COL27A1: variants seen among roughly 807,000 people sequenced by gnomAD.
COL27A1 encodes the protein collagen type XXVII alpha 1 chain.
A neutral mutation model predicts 251.3 loss-of-function variants in COL27A1; 106 were observed. The observed-to-expected ratio is 0.42, with a 90% confidence interval of 0.36 to 0.50. The LOEUF is 0.50. COL27A1 is among the 20% of genes least tolerant of loss of function. The pLI is 0.00. For missense variants in COL27A1, 2,325 were observed against 2,522.8 expected (o/e 0.92, Z 1.68); for synonymous variants, 1,000 against 986.3 (o/e 1.01, Z -0.26).
At chr9:114,267,289 C>G (rs1834813871) in intron 33 of COL27A1, among the ~76,000 whole-genome samples, 1 of 152,158 alleles carries the variant, frequency 6.6e-6, no homozygotes, top group African/African-American at 2.4e-5. Flanking sequence ...CTAGAAGCCT[C>G]TGGGTAGTCC....
chr9:114,258,142 A>G (rs1414152169), intron 27 of COL27A1, among the ~76,000 whole-genome samples: 1 of 152,128 alleles, frequency 6.6e-6, no homozygotes, highest in East Asian at 1.9e-4. Context: ...GCTGCACTGC[A>G]CTCCAGCCCA....
intron 34 of COL27A1, chr9:114,268,756 T>C (rs2636861): frequency 0.83 from 126,276 of 152,846 alleles, 52,839 homozygotes; most frequent in African/African-American, 0.96. Flanking sequence ...GGCAACGTAG[T>C]GAGACCCCAT....
rs148869418 is a variant in COL27A1 at position 114,277,021 on chromosome 9, C to G, written c.3717+1253C>G. On this transcript the variant is annotated intron_variant, in intron 37 of 60. Coordinates refer to ENST00000356083, the MANE Select transcript of COL27A1 (RefSeq NM_032888.4). The stretch of plus-strand genomic sequence containing the variant: ...GGAATTTGAACTTAGGCCTGCATGA[C>G]TCTACGCATACTGCCCCTGTGCTCT... Among the ~76,000 whole-genome samples, 37 of 152,348 alleles carry G rather than the reference C, an allele frequency of 2.4e-4. No homozygotes were observed. The East Asian group carries it at 6.6e-3, about 27-fold the overall frequency.
intron 49 of COL27A1, among the ~76,000 whole-genome samples, chr9:114,296,414 A>G (rs1342156800): frequency 2.0e-5 from 3 of 152,228 alleles, no homozygotes; most frequent in South Asian, 2.1e-4. Context: ...AGACACTTCA[A>G]AGAAAGTATA....
In COL27A1 at chr9:114,285,357, G is replaced by A. The variant is rs570301925; in HGVS notation, c.3987+580G>A. 5.9e-5 allele frequency among the ~76,000 whole-genome samples: 9 copies of A among 152,288 alleles called. No homozygotes were observed. In the South Asian group the frequency reaches 1.9e-3, roughly 32 times the overall value. On this transcript the variant is annotated intron_variant, in intron 41 of 60. Transcript: ENST00000356083. The stretch of plus-strand genomic sequence containing the variant: ...GACCCTGCCCCCCCATGCCAGTGGG[G>A]ATGTGGAGGGCCAGGAGTGCCAGAA...
At chr9:114,266,689 C>T (rs1011303150) in intron 33 of COL27A1, 71 bp downstream of exon 33, 166 of 1,380,470 alleles carry the variant, frequency 1.2e-4, no homozygotes, top group Non-Finnish European at 1.7e-4. Context: ...TTCCCTCCTC[C>T]CCAGGAGCCT....
At chr9:114,292,907 T>C (rs1315039160) in intron 49 of COL27A1, among the ~76,000 whole-genome samples, 2 of 152,196 alleles carry the variant, frequency 1.3e-5, no homozygotes, top group Admixed American at 6.5e-5. Context: ...ATAAGAATCA[T>C]AAATGTTTAT....
chr9:114,176,541 G>T (rs868860712), intron 3 of COL27A1, among the ~76,000 whole-genome samples: 182 of 131,486 alleles, frequency 1.4e-3, no homozygotes, highest in Admixed American at 2.5e-3. Flanking sequence ...GTAGGTGGGT[G>T]GGGGGGGGTG....
chr9:114,302,726 C>CAAAAAAAAAAAAAA (rs60188308), intron 56 of COL27A1, among the ~76,000 whole-genome samples: 1 of 139,200 alleles, frequency 7.2e-6, no homozygotes. Context: ...ACAAAAAAAA[C>CAAAAAAAAAAAAAA]AAAAAAAAAA....
chr9:114,169,082 T>C lies in COL27A1; in HGVS notation c.1527T>C (p.Pro509=), dbSNP rs888292529. The change falls in exon 3 of 61, where the codon CCT becomes CCC. Residue 509 remains proline (P), a synonymous_variant. Transcript: ENST00000356083. ...CTCGGCCACCAGCCACGATGGTACC[T>C]CCAACTTCGGGCACCAGCACTCCCA... ...RSTRPPATMV[P]PTSGTSTPRT... The C allele has an allele frequency of 6.2e-7, 1 of 1,613,898 alleles. No homozygotes were observed.
intron 9 of COL27A1, 99 bp from the exon 10 acceptor site, chr9:114,206,153 G>GA (rs1235968736): frequency 8.5e-7 from 1 of 1,173,556 alleles, no homozygotes; most frequent in Non-Finnish European, 1.3e-6. Flanking sequence ...ATTCTACAAA[G>GA]AGAGCAGCAG....
chr9:114,283,906 G>A lies in COL27A1; in HGVS notation c.3933+144G>A. On this transcript the variant is annotated intron_variant, in intron 40 of 60. Coordinates refer to ENST00000356083, the MANE Select transcript of COL27A1 (RefSeq NM_032888.4). ...AGATGTGGGGTCTCACCTGCCCCAG[G>A]GAGCGCTGGGCCCAGAGCCGTGGTT... The A allele has an allele frequency of 3.6e-6, 3 of 827,030 alleles. No homozygotes were observed. In the South Asian group the frequency reaches 5.1e-5, roughly 14 times the overall value. 51.2% of individuals were successfully genotyped at this position (827,030 alleles called of 1,614,324 possible).
chr9:114,267,121 G>A (rs1834803860), intron 33 of COL27A1, among the ~76,000 whole-genome samples: 2 of 152,226 alleles, frequency 1.3e-5, no homozygotes, highest in Admixed American at 1.3e-4. Flanking sequence ...GCCTCACGCT[G>A]GCTAAGCTGT....
At chr9:114,174,383 C>G (rs746312590) in intron 3 of COL27A1, among the ~76,000 whole-genome samples, 41 of 152,140 alleles carry the variant, frequency 2.7e-4, no homozygotes, top group Non-Finnish European at 5.7e-4. Context: ...GTTCCCAGAA[C>G]CCAATAAGAG....
intron 48 of COL27A1, among the ~76,000 whole-genome samples, chr9:114,291,377 G>A (rs1827905535): frequency 6.6e-6 from 1 of 152,164 alleles, no homozygotes; most frequent in African/African-American, 2.4e-5. Flanking sequence ...GTTTAATTGG[G>A]GGAAAGATTG....
intron 11 of COL27A1, among the ~76,000 whole-genome samples, chr9:114,210,215 C>T (rs1457066358): frequency 1.3e-5 from 2 of 152,238 alleles, no homozygotes; most frequent in African/African-American, 4.8e-5. Flanking sequence ...TGAACTCAGC[C>T]TTGCTCATTT....
intron 3 of COL27A1, among the ~76,000 whole-genome samples, chr9:114,174,297 G>A (rs1018947993): frequency 1.9e-4 from 28 of 148,016 alleles, no homozygotes; most frequent in African/African-American, 6.8e-4. Flanking sequence ...ACCAGCAGAG[G>A]CAGGTGAAAC....
intron 12 of COL27A1, among the ~76,000 whole-genome samples, chr9:114,212,006 G>A (rs931010946): frequency 1.3e-5 from 2 of 152,220 alleles, no homozygotes; most frequent in Non-Finnish European, 2.9e-5. Context: ...TGCTCAGAGG[G>A]GCCTCTCCGT....
At chr9:114,258,073 T>C (rs1233379169) in intron 27 of COL27A1, among the ~76,000 whole-genome samples, 1 of 152,158 alleles carries the variant, frequency 6.6e-6, no homozygotes, top group Non-Finnish European at 1.5e-5. Context: ...GGTGCATGCC[T>C]GCAATCCTAG....
Sources: gnomAD v4.1 joint callset for allele counts (sites outside exome capture counted in the v4.1 genomes callset) on GRCh38, gnomAD v4.1.1 for gene constraint, MANE v1.5 for transcripts, NCBI Gene and HGNC (gene_info 2026-07-23, HGNC 2026-07-21) for gene names.